DVL3: variants seen among roughly 807,000 people sequenced by gnomAD.
The protein encoded by DVL3 is dishevelled segment polarity protein 3, also known as segment polarity protein dishevelled homolog DVL-3.
In DVL3, 27 loss-of-function variants were observed where a neutral mutation model predicts 67.4. That is an observed-to-expected ratio of 0.40 (90% confidence interval 0.30 to 0.55). The LOEUF is 0.55. DVL3 is among the 20% of genes least tolerant of loss of function. The pLI, the probability that DVL3 is intolerant of heterozygous loss-of-function variation, is 0.46. For synonymous variants in DVL3, 369 were observed against 396.8 expected, an observed-to-expected ratio of 0.93 and a Z score of 0.83; for missense variants, 819 against 1,021.5, an observed-to-expected ratio of 0.80 and a Z score of 2.70.
chr3:184,164,453 C>G lies in DVL3; in HGVS notation c.354-39C>G, dbSNP rs1199432754. The stretch of plus-strand genomic sequence containing the variant: ...AGCCCAGGGCTGGGGGAGGGAGCCC[C>G]CAGCCTGCCCCCTCCCCCATCAAGT... On this transcript the variant is annotated intron_variant, in intron 3 of 14. Transcript: ENST00000313143. The surrounding 1 kb of genome is among the most constrained non-coding windows in gnomAD (Gnocchi z 5.3). 3 of 1,597,660 alleles carry G rather than the reference C, an allele frequency of 1.9e-6. No individual in the cohort carries two copies. The highest frequency in any genetic ancestry group is 2.6e-6 in the Non-Finnish European group (3 of 1,171,754).
In DVL3 at chr3:184,167,804, T is replaced by C; in HGVS notation, c.1330+93T>C. The stretch of plus-strand genomic sequence containing the variant: ...CAGGACTTGCCTTGGACCCTTCCTT[T>C]GATCTGGAGCCAGCCCCAGCCTCAT... On this transcript the variant is annotated intron_variant, in intron 12 of 14. Coordinates refer to ENST00000313143, the MANE Select transcript of DVL3 (RefSeq NM_004423.4). This position sits in a 1 kb window ranked among gnomAD's most constrained non-coding sequence, Gnocchi z 4.6. 2 of 1,599,078 alleles carry C rather than the reference T, an allele frequency of 1.3e-6. No individual in the cohort carries two copies. Among genetic ancestry groups the C allele is most frequent in the Non-Finnish European group, 1.7e-6 (2 of 1,171,876 alleles).
chr3:184,156,075 C>G (rs1714174824), intron 1 of DVL3, among the ~76,000 whole-genome samples: 1 of 152,180 alleles, frequency 6.6e-6, no homozygotes, highest in African/African-American at 2.4e-5. Flanking sequence ...TCTTCAGAGA[C>G]CAGTGGCCCA....
Position 184,164,175 on chromosome 3 carries a change from C to A in DVL3, c.232-92C>A. ...CTCCCTCGATATTTCCTGCTTCCTT[C>A]CTCTTAGGCCTTCATGCCTTGCTGG... On this transcript the variant is annotated intron_variant, in intron 2 of 14. Coordinates refer to ENST00000313143, the MANE Select transcript of DVL3 (RefSeq NM_004423.4). The surrounding 1 kb of genome is among the most constrained non-coding windows in gnomAD (Gnocchi z 5.3). 1 of 1,450,004 alleles carries A rather than the reference C, an allele frequency of 6.9e-7. No individual in the cohort carries two copies. Among genetic ancestry groups the A allele is most frequent in the Non-Finnish European group, 9.4e-7 (1 of 1,058,846 alleles). 89.8% of individuals were successfully genotyped at this position (1,450,004 alleles called of 1,614,324 possible). A position where few individuals can be genotyped will look rare whatever the true frequency, so the allele number is the denominator to read the frequency against.
Position 184,163,180 on chromosome 3 carries a change from G to A in DVL3, c.162-477G>A, listed in dbSNP as rs563050685. On this transcript the variant is annotated intron_variant, in intron 1 of 14. Transcript: ENST00000313143. This position sits in a 1 kb window ranked among gnomAD's most constrained non-coding sequence, Gnocchi z 4.5. ...TGGGATTACAGGTGTGAGCTATCAC[G>A]CCTGGCCTCCCCTTCTCTTTTCTAA... 2.0e-4 allele frequency among the ~76,000 whole-genome samples: 31 copies of A among 152,178 alleles called. No individual in the cohort carries two copies. Among genetic ancestry groups the A allele is most frequent in the East Asian group, 7.7e-4 (4 of 5,170 alleles).
At position 184,171,513 on chromosome 3, in the gene DVL3, A is replaced by G; in HGVS notation, c.*758A>G. The G allele has an allele frequency of 1.0e-6, 1 of 985,984 alleles. No individual in the cohort carries two copies. The highest frequency in any genetic ancestry group is 1.2e-6 in the Non-Finnish European group (1 of 830,028). 61.1% of individuals were successfully genotyped at this position (985,984 alleles called of 1,614,324 possible). On this transcript the variant is annotated 3_prime_UTR_variant, in exon 15 of 15. Coordinates refer to ENST00000313143, the MANE Select transcript of DVL3 (RefSeq NM_004423.4). ...AGGCTCATCTCACCTCCAGGCCTGAAACATTTCTTTTCTTTCTTTTTTCCT... is the reference window on the plus strand; with the variant it reads ...AGGCTCATCTCACCTCCAGGCCTGAGACATTTCTTTTCTTTCTTTTTTCCT...
rs1213944773 is a variant in DVL3, at chr3:184,166,134, A to G, written c.772A>G (p.Asn258Asp). 6.2e-7 allele frequency: 1 copy of G among 1,613,016 alleles called. No homozygotes were observed. Among genetic ancestry groups the G allele is most frequent in the Non-Finnish European group, 8.5e-7 (1 of 1,179,814 alleles). The change falls in exon 8 of 15, where the codon AAC becomes GAC. Residue 258 changes from asparagine to aspartate, a missense_variant. Around this residue, in one of 3 missense-constraint regions of DVL3, gnomAD observed 385 missense variants for 486.8 expected, o/e 0.79. Transcript: ENST00000313143. The surrounding 1 kb of genome is among the most constrained non-coding windows in gnomAD (Gnocchi z 6.7). ...TAAATTACTCTCTATAGAAAAATAT[A>G]ACTTCTTGGGCATCTCCATTGTGGG... Reference protein sequence around the residue: ...ITVTLNMEKYNFLGISIVGQS... With the variant: ...ITVTLNMEKYDFLGISIVGQS...
chr3:184,170,159 C>T lies in DVL3; in HGVS notation c.1652C>T (p.Pro551Leu), dbSNP rs995865070. The stretch of plus-strand genomic sequence containing the variant: ...CCCCCGCACCCATACAACCCGCACC[C>T]GGGCTTCCCGGAGCTGGGCTACAGC... ...PPPPHPYNPH[P>L]GFPELGYSYG... Residue 551 changes from proline (P) to leucine (L), a missense_variant, in exon 14 of 15, where the codon CCG (proline) becomes CTG (leucine). Around this residue, in one of 3 missense-constraint regions of DVL3, gnomAD observed 324 missense variants for 331.3 expected, o/e 0.98. Coordinates refer to ENST00000313143, the MANE Select transcript of DVL3 (RefSeq NM_004423.4). The surrounding 1 kb of genome is among the most constrained non-coding windows in gnomAD (Gnocchi z 6.5). 1 of 1,613,554 alleles carries T rather than the reference C, an allele frequency of 6.2e-7. No homozygotes were observed. Among genetic ancestry groups the T allele is most frequent in the Non-Finnish European group, 8.5e-7 (1 of 1,179,950 alleles).
At position 184,164,334 on chromosome 3, in the gene DVL3, C is replaced by G; in HGVS notation, c.299C>G (p.Pro100Arg). ...TGTGCTGATAACCCATCGGAGCTGC[C>G]ACCACCTATGGAGCGCACGGGAGGC... ...PFCADNPSEL[P>R]PPMERTGGIG... The change falls in exon 3 of 15, where the codon CCA (proline) becomes CGA (arginine). Residue 100 changes from proline (P) to arginine (R), a missense_variant. Pro to Arg is a moderately radical substitution (Grantham distance 103). This residue lies in a region of DVL3 where 385 missense variants were observed against 486.8 expected (regional missense o/e 0.79). Coordinates refer to ENST00000313143, the MANE Select transcript of DVL3 (RefSeq NM_004423.4). The surrounding 1 kb of genome is among the most constrained non-coding windows in gnomAD (Gnocchi z 5.3). 1 of 1,614,148 alleles carries G rather than the reference C, an allele frequency of 6.2e-7. No homozygotes were observed. The highest frequency in any genetic ancestry group is 8.5e-7 in the Non-Finnish European group (1 of 1,180,004).
rs774563738 is a variant in DVL3, at chr3:184,171,520, C to A, written c.*765C>A. 6 of 985,870 alleles carry A rather than the reference C, an allele frequency of 6.1e-6. No individual in the cohort carries two copies. Among genetic ancestry groups the A allele is most frequent in the Non-Finnish European group, 7.2e-6 (6 of 830,018 alleles). 61.1% of individuals were successfully genotyped at this position (985,870 alleles called of 1,614,324 possible). On this transcript the variant is annotated 3_prime_UTR_variant, in exon 15 of 15. Coordinates refer to ENST00000313143, the MANE Select transcript of DVL3 (RefSeq NM_004423.4). ...TCTCACCTCCAGGCCTGAAACATTT[C>A]TTTTCTTTCTTTTTTCCTCCCCCAA...
chr3:184,158,575 C>G (rs1442141894), intron 1 of DVL3, among the ~76,000 whole-genome samples: 1 of 151,966 alleles, frequency 6.6e-6, no homozygotes, highest in Non-Finnish European at 1.5e-5. Context: ...TTTCTCCGAG[C>G]CCCACAAGAG....
At chr3:184,160,675 C>T (rs1467674421) in intron 1 of DVL3, among the ~76,000 whole-genome samples, 11 of 152,070 alleles carry the variant, frequency 7.2e-5, no homozygotes, top group African/African-American at 2.7e-4. Context: ...GGTGGCCTGT[C>T]GATGACCCCC....
rs1230052046 is a variant in DVL3 at position 184,167,970 on chromosome 3, C to T, written c.1403C>T (p.Ala468Val). 1.2e-6 allele frequency: 2 copies of T among 1,614,150 alleles called. No homozygotes were observed. Among genetic ancestry groups the T allele is most frequent in the African/African-American group, 1.3e-5 (1 of 74,948 alleles). The change falls in exon 13 of 15, where the codon GCC becomes GTC. Residue 468 changes from alanine to valine, a missense_variant. This residue lies in a region of DVL3 where 110 missense variants were observed against 203.4 expected (regional missense o/e 0.54). Transcript: ENST00000313143. The surrounding 1 kb of genome is among the most constrained non-coding windows in gnomAD (Gnocchi z 4.6). Reference protein sequence around the residue: ...FTDRREARKYASNLLKAGFIR... With the variant: ...FTDRREARKYVSNLLKAGFIR... ...GACCGGAGGGAGGCCCGCAAGTATGCCAGCAACCTGCTGAAAGCTGGCTTC... is the reference window on the plus strand; with the variant it reads ...GACCGGAGGGAGGCCCGCAAGTATGTCAGCAACCTGCTGAAAGCTGGCTTC...
Position 184,164,612 on chromosome 3 carries a change from C to T in DVL3, c.463+11C>T. The T allele has an allele frequency of 1.3e-6, 2 of 1,549,668 alleles. No individual in the cohort carries two copies. Among genetic ancestry groups the T allele is most frequent in the African/African-American group, 2.7e-5 (2 of 73,416 alleles). The stretch of plus-strand genomic sequence containing the variant: ...ATGGCCCAGAGCATGGTATATCTTC[C>T]TGAACACGGACACTGTCCGCACCTC... On this transcript the variant is annotated intron_variant, in intron 4 of 14. Coordinates refer to ENST00000313143, the MANE Select transcript of DVL3 (RefSeq NM_004423.4). This position sits in a 1 kb window ranked among gnomAD's most constrained non-coding sequence, Gnocchi z 5.3.
chr3:184,162,327 G>A (rs547995368), intron 1 of DVL3, among the ~76,000 whole-genome samples: 3 of 151,704 alleles, frequency 2.0e-5, no homozygotes, highest in African/African-American at 4.8e-5. Context: ...ACAGGCATAC[G>A]CTACCACGCT....
intron 1 of DVL3, chr3:184,157,145 T>C (rs1394656576): frequency 2.0e-5 from 3 of 152,778 alleles, no homozygotes; most frequent in Non-Finnish European, 4.4e-5. Context: ...GTTCCTGCCC[T>C]GGGGTGGGGT....
Position 184,167,031 on chromosome 3 carries a change from G to A in DVL3, c.1198+56G>A, listed in dbSNP as rs1427988857. The A allele has an allele frequency of 1.3e-6, 2 of 1,591,302 alleles. No homozygotes were observed. Among genetic ancestry groups the A allele is most frequent in the East Asian group, 4.5e-5 (2 of 44,712 alleles). On this transcript the variant is annotated intron_variant, in intron 11 of 14. Coordinates refer to ENST00000313143, the MANE Select transcript of DVL3 (RefSeq NM_004423.4). The surrounding 1 kb of genome is among the most constrained non-coding windows in gnomAD (Gnocchi z 4.6). ...GCAGACAGGGCCAGGTGGGGGGACT[G>A]ATGAGGGTCCATGTGGAGACTCTTG...
At position 184,165,266 on chromosome 3, in the gene DVL3, G is replaced by C. The variant is rs1315323010; in HGVS notation, c.693+60G>C. 9 of 1,553,474 alleles carry C rather than the reference G, an allele frequency of 5.8e-6. No individual in the cohort carries two copies. The East Asian group carries it at 1.1e-4, about 19-fold the overall frequency. ...CAGATTGTGAGCCCTTCCTACGCAG[G>C]GCCAAGGCTTGTTCTTCCTTAGATC... On this transcript the variant is annotated intron_variant, in intron 6 of 14. Coordinates refer to ENST00000313143, the MANE Select transcript of DVL3 (RefSeq NM_004423.4). The surrounding 1 kb of genome is among the most constrained non-coding windows in gnomAD (Gnocchi z 4.1).
rs1714862128 is a variant in DVL3, at chr3:184,172,052, G to A, written c.*1297G>A. ...ACATGTCCCCAGCATTTTCTCACCT[G>A]GATAAAGCCCATAAGCTGGGTCTCA... On this transcript the variant is annotated 3_prime_UTR_variant, in exon 15 of 15. Transcript: ENST00000313143. 1.3e-5 allele frequency: 2 copies of A among 152,596 alleles called. No homozygotes were observed. Among genetic ancestry groups the A allele is most frequent in the Admixed American group, 6.5e-5 (1 of 15,278 alleles). The allele number at this position is 152,596 out of a possible 1,614,324, so 9.5% of individuals were successfully genotyped here.
chr3:184,166,653 G>T lies in DVL3; in HGVS notation c.1028G>T (p.Gly343Val). 6.2e-7 allele frequency: 1 copy of T among 1,614,154 alleles called. No homozygotes were observed. The highest frequency in any genetic ancestry group is 8.5e-7 in the Non-Finnish European group (1 of 1,180,030). ...AAGTGCTGGGACCCAAGTCCACGTG[G>T]TTGCTTCACATTGCCCAGGAGTAAG... ...VAKCWDPSPR[G>V]CFTLPRSEPI... The change falls in exon 10 of 15, where the codon GGT becomes GTT. Residue 343 changes from glycine to valine, a missense_variant. Transcript: ENST00000313143. The surrounding 1 kb of genome is among the most constrained non-coding windows in gnomAD (Gnocchi z 6.7).
Sources: gnomAD v4.1 joint callset for allele counts (sites outside exome capture counted in the v4.1 genomes callset) on GRCh38, gnomAD v4.1.1 for gene constraint, gnomAD v4.1.1 regional missense constraint, Gnocchi (gnomAD v3.1) non-coding constraint, MANE v1.5 for transcripts, NCBI Gene and HGNC (gene_info 2026-07-23, HGNC 2026-07-21) for gene names.